HS3ST4: variants seen among roughly 807,000 people sequenced by gnomAD.
HS3ST4 encodes the protein heparan sulfate-glucosamine 3-sulfotransferase 4, also known as heparan sulfate glucosamine 3-O-sulfotransferase 4.
Under a neutral mutation model 29.2 loss-of-function variants are expected in HS3ST4, and 17 were observed. The observed-to-expected ratio is 0.58, with a 90% CI of 0.40 to 0.87. The LOEUF (loss-of-function observed/expected upper bound fraction) is 0.87. HS3ST4 is among the 40% of genes least tolerant of loss of function. The pLI is 0.00. For synonymous variants in HS3ST4, 314 were observed against 285.7 expected (o/e 1.10, Z -1.00); for missense variants, 627 against 634.5 (o/e 0.99, Z 0.13).
intron 1 of HS3ST4, among the ~76,000 whole-genome samples, chr16:26,008,157 GT>G (rs1389946417): frequency 6.6e-6 from 1 of 152,178 alleles, no homozygotes; most frequent in East Asian, 1.9e-4. Flanking sequence ...TCAAAAGAGA[GT>G]GAAGTCTGAA....
At chr16:25,831,948 A>G (rs921229276) in intron 1 of HS3ST4, among the ~76,000 whole-genome samples, 1 of 152,002 alleles carries the variant, frequency 6.6e-6, no homozygotes, top group Non-Finnish European at 1.5e-5. Flanking sequence ...TCTACAATAA[A>G]TTTAAAAATT....
intron 1 of HS3ST4, among the ~76,000 whole-genome samples, chr16:26,066,005 G>C (rs1230570365): frequency 1.3e-5 from 2 of 152,198 alleles, no homozygotes; most frequent in Non-Finnish European, 2.9e-5. Context: ...CCATTTTTAT[G>C]GCATTATGTT....
chr16:26,070,356 T>C (rs1424495287), intron 1 of HS3ST4, among the ~76,000 whole-genome samples: 5 of 152,222 alleles, frequency 3.3e-5, no homozygotes, highest in African/African-American at 1.2e-4. Flanking sequence ...AAATGTCTTC[T>C]TTTGAGAAGT....
chr16:26,110,605 G>A (rs572824106), intron 1 of HS3ST4, among the ~76,000 whole-genome samples: 4 of 152,196 alleles, frequency 2.6e-5, no homozygotes, highest in Admixed American at 1.3e-4. Context: ...CCACTTCACC[G>A]CTCTCATCGT....
chr16:26,084,666 T>C (rs1378280191), intron 1 of HS3ST4, among the ~76,000 whole-genome samples: 1 of 152,140 alleles, frequency 6.6e-6, no homozygotes, highest in Non-Finnish European at 1.5e-5. Context: ...TGGAGTACAG[T>C]AGCATGATCA....
intron 1 of HS3ST4, among the ~76,000 whole-genome samples, chr16:26,012,463 A>G (rs1596644263): frequency 6.6e-6 from 1 of 152,194 alleles, no homozygotes; most frequent in African/African-American, 2.4e-5. Context: ...GAAATTTGTA[A>G]TTCTGCTTCT....
intron 1 of HS3ST4, among the ~76,000 whole-genome samples, chr16:25,998,840 A>G (rs915013544): frequency 6.6e-6 from 1 of 152,138 alleles, no homozygotes; most frequent in Non-Finnish European, 1.5e-5. Flanking sequence ...GTCCCTGTTA[A>G]AGTGTCCATA....
At chr16:25,828,776 C>T (rs1967263538) in intron 1 of HS3ST4, among the ~76,000 whole-genome samples, 1 of 152,102 alleles carries the variant, frequency 6.6e-6, no homozygotes, top group African/African-American at 2.4e-5. Context: ...CATTTCTGTT[C>T]TTGTGTTAGT....
chr16:25,795,602 T>C (rs1006256360), intron 1 of HS3ST4, among the ~76,000 whole-genome samples: 12 of 152,196 alleles, frequency 7.9e-5, no homozygotes, highest in African/African-American at 2.9e-4. Context: ...TTCCCATTGA[T>C]GCTACTTTTT....
chr16:26,103,232 G>C (rs112457691), intron 1 of HS3ST4, among the ~76,000 whole-genome samples: 126 of 152,238 alleles, frequency 8.3e-4, no homozygotes, highest in African/African-American at 2.9e-3. Flanking sequence ...ATAAGGTAAA[G>C]AAGGTGTTGT....
At chr16:25,712,249 C>T (rs183929497) in intron 1 of HS3ST4, among the ~76,000 whole-genome samples, 19 of 152,228 alleles carry the variant, frequency 1.2e-4, no homozygotes, top group Admixed American at 1.1e-3. Context: ...AGGCCAGGCG[C>T]GGTGGCTCAC....
intron 1 of HS3ST4, among the ~76,000 whole-genome samples, chr16:26,125,909 T>C (rs552438382): frequency 2.6e-5 from 4 of 152,346 alleles, no homozygotes; most frequent in African/African-American, 9.6e-5. Flanking sequence ...GTTCAAATTA[T>C]AATTTCCAAC....
intron 1 of HS3ST4, among the ~76,000 whole-genome samples, chr16:26,134,849 A>G (rs188637676): frequency 3.3e-5 from 5 of 152,336 alleles, no homozygotes; most frequent in Admixed American, 2.0e-4. Context: ...TTTGGGCCAT[A>G]TGGCCTCTGT....
At chr16:26,101,125 A>C (rs1018618511) in intron 1 of HS3ST4, among the ~76,000 whole-genome samples, 1 of 152,194 alleles carries the variant, frequency 6.6e-6, no homozygotes, top group Non-Finnish European at 1.5e-5. Flanking sequence ...ACTTTTCTGC[A>C]GAACCTCTGG....
chr16:26,018,949 C>G (rs533330443), intron 1 of HS3ST4, among the ~76,000 whole-genome samples: 1 of 152,180 alleles, frequency 6.6e-6, no homozygotes, highest in Admixed American at 6.5e-5. Context: ...TCAGTTGGCC[C>G]AGCTCATTTG....
chr16:25,941,743 AT>A (rs1295696857), intron 1 of HS3ST4, among the ~76,000 whole-genome samples: 2 of 151,706 alleles, frequency 1.3e-5, no homozygotes, highest in Non-Finnish European at 2.9e-5. Context: ...CACCCAGCTA[AT>A]TTTTTGTATT....
At chr16:25,734,371 C>T (rs1966592307) in intron 1 of HS3ST4, among the ~76,000 whole-genome samples, 1 of 152,126 alleles carries the variant, frequency 6.6e-6, no homozygotes, top group African/African-American at 2.4e-5. Context: ...TTCAGGGGTC[C>T]ACCTCCTCAT....
At chr16:26,122,340 A>C (rs1180804821) in intron 1 of HS3ST4, among the ~76,000 whole-genome samples, 1 of 152,090 alleles carries the variant, frequency 6.6e-6, no homozygotes, top group African/African-American at 2.4e-5. Flanking sequence ...GTGCTTTCTA[A>C]ATCAAATGAT....
At chr16:25,855,422 T>G (rs112196372) in intron 1 of HS3ST4, among the ~76,000 whole-genome samples, 3,468 of 152,286 alleles carry the variant, frequency 0.023, 127 homozygotes, top group African/African-American at 0.078. Context: ...TTTTCTCCCA[T>G]AAAGATGGCT....
Sources: allele counts gnomAD v4.1 joint callset (sites outside exome capture counted in the v4.1 genomes callset), GRCh38; gene constraint gnomAD v4.1.1; transcripts MANE v1.5; gene names NCBI Gene and HGNC (gene_info 2026-07-23, HGNC 2026-07-21).